PINLYP: variants seen among roughly 807,000 people sequenced by gnomAD.
PINLYP encodes the protein phospholipase A2 inhibitor and LY6/PLAUR domain containing, also known as phospholipase A2 inhibitor and Ly6/PLAUR domain-containing protein.
PINLYP carries 12 observed loss-of-function variants against 15.8 expected under a neutral mutation model. The ratio of observed to expected loss-of-function variants is 0.76; its 90% CI spans 0.49 to 1.23. The LOEUF is 1.23. PINLYP is among the 50% of genes most tolerant of loss of function. PINLYP has a pLI of 0.00. For synonymous variants in PINLYP, 93 were observed against 97.7 expected (o/e 0.95, Z 0.28); for missense variants, 278 against 264.2 (o/e 1.05, Z -0.36).
At position 43,576,350 on chromosome 19, in the gene PINLYP, T is replaced by TATAC. The variant is rs986653755; in HGVS notation, c.-638_-635dup. ...CTTGCCACACACACACACACGCACA[T>TATAC]ATACATACATACGCGCGCGCGCACG... On this transcript the variant is annotated 5_prime_UTR_variant, in exon 1 of 6. An upstream open reading frame in the 5' UTR loses its in-frame stop. Transcript: ENST00000599207. Among the ~76,000 whole-genome samples the TATAC allele has an allele frequency of 3.3e-5, 5 of 151,450 alleles. No homozygotes were observed. Among genetic ancestry groups the TATAC allele is most frequent in the African/African-American group, 1.2e-4 (5 of 41,188 alleles).
chr19:43,581,508 T>G (rs1972931838), intron 4 of PINLYP, 55 bp from the exon 5 acceptor site: 2 of 1,510,652 alleles, frequency 1.3e-6, no homozygotes, highest in African/African-American at 2.8e-5. Flanking sequence ...TGTTGGGAGG[T>G]TGGGGGAACG....
rs977893004 is a variant in PINLYP at position 43,576,594 on chromosome 19, TCC to T, written c.-401_-400del. Among the ~76,000 whole-genome samples, 2 of 152,062 alleles carry T rather than the reference TCC, an allele frequency of 1.3e-5. No homozygotes were observed. Among genetic ancestry groups the T allele is most frequent in the Admixed American group, 1.3e-4 (2 of 15,278 alleles). ...GCCCGCCTATGACTGCCGACAGACA[TCC>T]CTCTGTTCATTCGGTGCCTTGGAGA... On this transcript the variant is annotated 5_prime_UTR_variant, in exon 1 of 6. It removes the in-frame stop codon of an upstream open reading frame in the 5' UTR. Coordinates refer to ENST00000599207, the Ensembl canonical transcript of PINLYP.
chr19:43,581,237 C>T, exon 4 of PINLYP: 5 of 1,537,082 alleles, frequency 3.3e-6, no homozygotes, highest in Non-Finnish European at 4.4e-6. Flanking sequence ...TGCACACCTA[C>T]AAGGGCTGCA....
chr19:43,582,010 C>T, exon 6 of PINLYP: 2 of 1,535,918 alleles, frequency 1.3e-6, no homozygotes, highest in South Asian at 1.2e-5. Context: ...GAAAAGCTAT[C>T]TGAACAGAGG....
At chr19:43,577,234 G>A (rs1460080381) in exon 2 of PINLYP, 2 of 1,535,942 alleles carry the variant, frequency 1.3e-6, no homozygotes, top group African/African-American at 1.4e-5. Flanking sequence ...GCTGGCCTTT[G>A]TGTTGCTCTG....
exon 4 of PINLYP, chr19:43,581,290 T>C: frequency 1.3e-6 from 2 of 1,537,090 alleles, no homozygotes; most frequent in Non-Finnish European, 1.7e-6. Flanking sequence ...TCCACCACCA[T>C]GGGCCCCAAG....
intron 3 of PINLYP, among the ~76,000 whole-genome samples, chr19:43,579,942 GAA>G (rs1972909929): frequency 6.6e-6 from 1 of 151,934 alleles, no homozygotes; most frequent in Admixed American, 6.6e-5. Flanking sequence ...TGAGTTAAAT[GAA>G]AGAGACCACC....
chr19:43,581,077 A>G, intron 3 of PINLYP, 135 bp from the exon 4 acceptor site: 1 of 1,060,110 alleles, frequency 9.4e-7, no homozygotes, highest in East Asian at 2.7e-5. Flanking sequence ...ATAAGAAAAG[A>G]AAGAAAAAAA....
At chr19:43,582,057 C>A (rs1600068908) in exon 6 of PINLYP, 5 of 1,519,658 alleles carry the variant, frequency 3.3e-6, no homozygotes, top group Non-Finnish European at 4.4e-6. Flanking sequence ...TTGTCCTCAG[C>A]CTGTAACTCC....
chr19:43,577,507 C>A (rs922284417), intron 2 of PINLYP, among the ~76,000 whole-genome samples: 1 of 151,868 alleles, frequency 6.6e-6, no homozygotes, highest in East Asian at 1.9e-4. Flanking sequence ...GCTCTGAATC[C>A]TCCATCCTCC....
chr19:43,581,073 A>C, intron 3 of PINLYP, 139 bp from the exon 4 acceptor site: 1 of 1,057,024 alleles, frequency 9.5e-7, no homozygotes, highest in Non-Finnish European at 1.3e-6. Flanking sequence ...AAAAATAAGA[A>C]AAGAAAGAAA....
At chr19:43,578,785 G>T in intron 3 of PINLYP, 79 bp downstream of exon 3, 3 of 1,090,570 alleles carry the variant, frequency 2.8e-6, no homozygotes, top group Non-Finnish European at 4.0e-6. Context: ...GCTGAGGGGG[G>T]ATCATCATGG....
intron 3 of PINLYP, 94 bp from the exon 4 acceptor site, chr19:43,581,118 T>G: frequency 3.8e-6 from 5 of 1,308,822 alleles, no homozygotes; most frequent in Non-Finnish European, 5.1e-6. Context: ...AGTTGTGGGG[T>G]TGGGGAGGCC....
intron 3 of PINLYP, among the ~76,000 whole-genome samples, chr19:43,580,157 C>T (rs1292307323): frequency 6.6e-6 from 1 of 152,070 alleles, no homozygotes; most frequent in Non-Finnish European, 1.5e-5. Flanking sequence ...TCGAAAATCA[C>T]CCAGCCAGCG....
At position 43,576,683 on chromosome 19, in the gene PINLYP, G is replaced by A. The variant is rs1262416390; in HGVS notation, c.-314G>A. The A allele has an allele frequency of 6.2e-6, 1 of 160,984 alleles. No homozygotes were observed. The highest frequency in any genetic ancestry group is 1.4e-5 in the Non-Finnish European group (1 of 73,252). 10.0% of individuals were successfully genotyped at this position (160,984 alleles called of 1,614,324 possible). On this transcript the variant is annotated 5_prime_UTR_variant, in exon 1 of 6. An upstream open reading frame in the 5' UTR loses its in-frame stop. Transcript: ENST00000599207. ...GACAGCCCAAACACACAAGGAGTGT[G>A]AGCCGAGCACATGAAGAGAGGGGAA...
Position 43,576,950 on chromosome 19 carries a change from T to A in PINLYP, c.-78+31T>A, listed in dbSNP as rs1171591012. The stretch of plus-strand genomic sequence containing the variant: ...AAAACAGGGTGGTGACTTTCTGGGT[T>A]CTAATAGAAGAGGGGGATGGAAGCC... On this transcript the variant is annotated intron_variant, in intron 1 of 5. Coordinates refer to ENST00000599207, the Ensembl canonical transcript of PINLYP. 1.6e-5 allele frequency: 9 copies of A among 566,392 alleles called. No individual in the cohort carries two copies. In the East Asian group the frequency reaches 2.8e-4, roughly 18 times the overall value. 35.1% of individuals were successfully genotyped at this position (566,392 alleles called of 1,614,324 possible).
At chr19:43,582,030 T>C in exon 6 of PINLYP, 1 of 1,535,236 alleles carries the variant, frequency 6.5e-7, no homozygotes, top group South Asian at 1.2e-5. Flanking sequence ...GAAGATAATG[T>C]AGTGTGAAGT....
At position 43,576,119 on chromosome 19, in the gene PINLYP, A is replaced by G. The variant is rs557167901; in HGVS notation, c.-878A>G. ...GGGTGAGAGGGCGGCGGGTCTTGCC[A>G]TGTTGCCCAGACTGGTCTCGAACTC... is the stretch of plus-strand genomic sequence containing the variant. On this transcript the variant is annotated 5_prime_UTR_variant, in exon 1 of 6. The change abolishes an upstream ATG in the 5' untranslated region. Transcript: ENST00000599207. 6.6e-6 allele frequency: 1 copy of G among 152,150 alleles called. No individual in the cohort carries two copies. Among genetic ancestry groups the G allele is most frequent in the African/African-American group, 2.4e-5 (1 of 41,502 alleles). 9.4% of individuals were successfully genotyped at this position (152,150 alleles called of 1,614,324 possible). A position where few individuals can be genotyped will look rare whatever the true frequency, so the allele number is the denominator to read the frequency against.
chr19:43,575,850 A>T (rs1393919561), exon 1 of PINLYP: 2 of 190,296 alleles, frequency 1.1e-5, no homozygotes, highest in Non-Finnish European at 2.1e-5. Context: ...GTTACCGCCC[A>T]CACTGAAGCC....
Sources: allele counts gnomAD v4.1 joint callset (sites outside exome capture counted in the v4.1 genomes callset), GRCh38; gene constraint gnomAD v4.1.1; transcripts MANE v1.5; gene names NCBI Gene and HGNC (gene_info 2026-07-23, HGNC 2026-07-21).